Variants in SAMD3 observed in about 807,000 individuals in gnomAD.
SAMD3 encodes sterile alpha motif domain-containing protein 3.
In SAMD3, 63 loss-of-function variants were observed where a neutral mutation model predicts 58.5. That is an observed-to-expected ratio of 1.08 (90% CI 0.88 to 1.33). SAMD3 has a LOEUF of 1.33. SAMD3 is among the 40% of genes most tolerant of loss of function. SAMD3 has a pLI of 0.00. For missense variants in SAMD3, 604 were observed against 608.4 expected (o/e 0.99, Z 0.08); for synonymous variants, 220 against 210.3 (o/e 1.05, Z -0.40).
At chr6:130,213,869 G>A (rs1240205378) in intron 4 of SAMD3, among the ~76,000 whole-genome samples, 2 of 152,032 alleles carry the variant, frequency 1.3e-5, no homozygotes, top group Non-Finnish European at 2.9e-5. Context: ...AACGTGTTTA[G>A]CAAATTACAT....
chr6:130,258,564 G>A (rs1235760653), intron 2 of SAMD3, among the ~76,000 whole-genome samples: 1 of 152,096 alleles, frequency 6.6e-6, no homozygotes, highest in African/African-American at 2.4e-5. Flanking sequence ...CATATGAATA[G>A]TCCTGTGAAA....
At chr6:130,286,837 G>A (rs1775173280) in intron 2 of SAMD3, among the ~76,000 whole-genome samples, 1 of 152,106 alleles carries the variant, frequency 6.6e-6, no homozygotes, top group African/African-American at 2.4e-5. Flanking sequence ...TCAGCCTCCT[G>A]AGTAGCTGAC....
chr6:130,208,879 A>T (rs1795296137), intron 5 of SAMD3, among the ~76,000 whole-genome samples: 1 of 152,180 alleles, frequency 6.6e-6, no homozygotes, highest in Non-Finnish European at 1.5e-5. Flanking sequence ...AAGGTTGGGA[A>T]CCGCTATTCT....
At chr6:130,282,313 C>G (rs948429367) in intron 2 of SAMD3, among the ~76,000 whole-genome samples, 1 of 152,122 alleles carries the variant, frequency 6.6e-6, no homozygotes, top group Admixed American at 6.6e-5. Context: ...CAGAGGAAAA[C>G]AAGAAGCAGA....
At chr6:130,298,277 C>A (rs1406634897) in intron 2 of SAMD3, among the ~76,000 whole-genome samples, 3 of 152,082 alleles carry the variant, frequency 2.0e-5, no homozygotes, top group African/African-American at 4.8e-5. Context: ...TCATATCCTG[C>A]CAAACAAGCT....
At chr6:130,207,587 C>T (rs1017467355) in intron 5 of SAMD3, among the ~76,000 whole-genome samples, 1 of 152,162 alleles carries the variant, frequency 6.6e-6, no homozygotes, top group Non-Finnish European at 1.5e-5. Flanking sequence ...TTACTACATG[C>T]ACCTGGAGCC....
At chr6:130,267,027 C>T (rs1382246161) in intron 2 of SAMD3, among the ~76,000 whole-genome samples, 2 of 152,168 alleles carry the variant, frequency 1.3e-5, no homozygotes, top group African/African-American at 4.8e-5. Flanking sequence ...CGGTGAGAAA[C>T]TCAGACGAGG....
At chr6:130,220,262 A>T (rs1796164914) in intron 1 of SAMD3, among the ~76,000 whole-genome samples, 1 of 152,190 alleles carries the variant, frequency 6.6e-6, no homozygotes. Context: ...GGCCCCCCAG[A>T]GTGCTGGGAT....
At chr6:130,252,995 A>G (rs911371682) in intron 2 of SAMD3, among the ~76,000 whole-genome samples, 3 of 152,226 alleles carry the variant, frequency 2.0e-5, no homozygotes, top group African/African-American at 7.2e-5. Context: ...TTACATTTCC[A>G]GTAATCAGAC....
chr6:130,182,672 AAGGAAAGG>A (rs1303652749), intron 7 of SAMD3, among the ~76,000 whole-genome samples: 1 of 151,466 alleles, frequency 6.6e-6, no homozygotes, highest in Admixed American at 6.6e-5. Context: ...AGAAGGATGG[AAGGAAAGG>A]AGGAAGGGAG....
chr6:130,240,045 A>G lies in SAMD3; in HGVS notation c.-187-17232T>C, dbSNP rs79968884. ...AAGCCTTATTAAACAGCAGAGCACC[A>G]GAAGAATTGGGTCCCTCTCCTGGAA... On this transcript the variant is annotated intron_variant, in intron 2 of 13. Coordinates refer to the SAMD3 transcript ENST00000368134. 7.7e-4 allele frequency among the ~76,000 whole-genome samples: 118 copies of G among 152,360 alleles called. 4 individuals carry two copies. In the East Asian group the frequency reaches 0.022, roughly 28 times the overall value.
At chr6:130,188,091 A>T (rs1356341334) in intron 5 of SAMD3, among the ~76,000 whole-genome samples, 1 of 152,238 alleles carries the variant, frequency 6.6e-6, no homozygotes, top group Non-Finnish European at 1.5e-5. Flanking sequence ...CTAATTTAAA[A>T]AATGATTAGA....
At chr6:130,309,962 A>G (rs1251267842) in intron 2 of SAMD3, among the ~76,000 whole-genome samples, 8 of 152,336 alleles carry the variant, frequency 5.3e-5, no homozygotes, top group East Asian at 3.9e-4. Context: ...CCTTTCTGCA[A>G]TTTACAAAAT....
At chr6:130,314,402 G>T (rs1204480553) in intron 1 of SAMD3, among the ~76,000 whole-genome samples, 1 of 152,108 alleles carries the variant, frequency 6.6e-6, no homozygotes, top group African/African-American at 2.4e-5. Flanking sequence ...CACCTATGTT[G>T]GGTTATGATT....
At chr6:130,221,120 C>T (rs893501660) in intron 1 of SAMD3, among the ~76,000 whole-genome samples, 1 of 152,102 alleles carries the variant, frequency 6.6e-6, no homozygotes, top group African/African-American at 2.4e-5. Context: ...TCCCAAAGTG[C>T]TGGGATTACA....
intron 1 of SAMD3, among the ~76,000 whole-genome samples, chr6:130,360,174 C>G (rs1199635514): frequency 6.6e-6 from 1 of 152,196 alleles, no homozygotes; most frequent in Non-Finnish European, 1.5e-5. Flanking sequence ...GAGCAATAAT[C>G]CCCAGTGTCA....
chr6:130,361,583 C>T (rs975980253), intron 1 of SAMD3, among the ~76,000 whole-genome samples: 3 of 152,150 alleles, frequency 2.0e-5, no homozygotes, highest in African/African-American at 7.2e-5. Context: ...TTAATAAAAA[C>T]AGATCTAATA....
chr6:130,222,790 G>A lies in SAMD3; in HGVS notation c.-164C>T, dbSNP rs994372945. The A allele has an allele frequency of 3.3e-5, 5 of 152,206 alleles. No individual in the cohort carries two copies. Among genetic ancestry groups the A allele is most frequent in the African/African-American group, 4.8e-5 (2 of 41,450 alleles). 9.4% of individuals were successfully genotyped at this position (152,206 alleles called of 1,614,324 possible). A position where few individuals can be genotyped will look rare whatever the true frequency, so the allele number is the denominator to read the frequency against. ...CCCCAGGCAAATCCGATCAGTGGAT[G>A]TGGTTCTGGTTCCTTTGTTTTATCT... is the stretch of plus-strand genomic sequence containing the variant. On this transcript the variant is annotated 5_prime_UTR_variant, in exon 1 of 12. Coordinates refer to ENST00000439090, the MANE Select transcript of SAMD3 (RefSeq NM_001017373.4).
At chr6:130,219,984 T>C (rs1796151365) in intron 1 of SAMD3, among the ~76,000 whole-genome samples, 1 of 152,194 alleles carries the variant, frequency 6.6e-6, no homozygotes, top group Non-Finnish European at 1.5e-5. Context: ...AACTTAAATT[T>C]CATATGTTTA....
Sources: gnomAD v4.1 joint callset for allele counts (sites outside exome capture counted in the v4.1 genomes callset) on GRCh38, gnomAD v4.1.1 for gene constraint, MANE v1.5 for transcripts, NCBI Gene and HGNC (gene_info 2026-07-23, HGNC 2026-07-21) for gene names.